The following CCDC9 variants were observed in gnomAD, a reference collection of about 807,000 sequenced individuals.
CCDC9 encodes the protein coiled-coil domain-containing protein 9.
Under a neutral mutation model 65.6 loss-of-function variants are expected in CCDC9, and 52 were observed. That is an observed-to-expected ratio of 0.79 (90% CI 0.63 to 1.00). CCDC9 has a LOEUF of 1.00. CCDC9 is among the 50% of genes least tolerant of loss of function. The pLI is 0.00. For synonymous variants in CCDC9, 332 were observed against 280.3 expected (o/e 1.18, Z -1.84); for missense variants, 834 against 757.2 (o/e 1.10, Z -1.19).
chr19:47,266,534 A>T (rs958643748), intron 7 of CCDC9, 77 bp from the exon 8 acceptor site: 1 of 1,441,830 alleles, frequency 6.9e-7, no homozygotes, highest in Non-Finnish European at 9.1e-7. Context: ...GATCCTGAGC[A>T]AGTGGATGTG....
intron 3 of CCDC9, among the ~76,000 whole-genome samples, 185 bp from the exon 4 acceptor site, chr19:47,260,136 A>C (rs1183366653): frequency 6.6e-6 from 1 of 152,108 alleles, no homozygotes; most frequent in African/African-American, 2.4e-5. Flanking sequence ...TCAGAGGGGC[A>C]CCACAGGAAC....
rs572659319 is a variant in CCDC9 at position 47,266,429 on chromosome 19, G to A, written c.721-182G>A. ...AAATCCAGCAGCTGAGGGGACAGAG[G>A]GATGCTACTTAGGAGATCTGAGAGG... On this transcript the variant is annotated intron_variant, in intron 7 of 11. Transcript: ENST00000221922. 172 of 798,554 alleles carry A rather than the reference G, an allele frequency of 2.2e-4. 1 individual carries two copies. The African/African-American group carries it at 3.0e-3, about 14-fold the overall frequency. 49.5% of individuals were successfully genotyped at this position (798,554 alleles called of 1,614,324 possible). A position where few individuals can be genotyped will look rare whatever the true frequency, so the allele number is the denominator to read the frequency against.
chr19:47,269,501 C>A (rs1600289251), intron 8 of CCDC9, among the ~76,000 whole-genome samples: 1 of 152,106 alleles, frequency 6.6e-6, no homozygotes, highest in South Asian at 2.1e-4. Context: ...CAGGTGCCAG[C>A]CACCAAGCCC....
At chr19:47,270,955 C>T in intron 10 of CCDC9, 127 bp from the exon 11 acceptor site, 2 of 786,690 alleles carry the variant, frequency 2.5e-6, no homozygotes, top group Non-Finnish European at 4.1e-6. Context: ...ACACATCCGC[C>T]ATTCCCTCAG....
At chr19:47,263,571 C>G (rs1399328328) in intron 5 of CCDC9, among the ~76,000 whole-genome samples, 1 of 152,144 alleles carries the variant, frequency 6.6e-6, no homozygotes, top group South Asian at 2.1e-4. Context: ...TTTAAAATTT[C>G]TTTTTGTTTT....
At chr19:47,258,849 T>C (rs1014648169) in intron 3 of CCDC9, among the ~76,000 whole-genome samples, 186 bp downstream of exon 3, 4 of 152,234 alleles carry the variant, frequency 2.6e-5, no homozygotes, top group Admixed American at 1.3e-4. Context: ...TTCACAAATA[T>C]TCCCCAAGAT....
intron 10 of CCDC9, 26 bp downstream of exon 10, chr19:47,270,714 C>A: frequency 1.9e-6 from 3 of 1,599,696 alleles, no homozygotes; most frequent in Non-Finnish European, 8.5e-7. Flanking sequence ...TGCGGGCTTG[C>A]ATACCCCCAG....
intron 7 of CCDC9, among the ~76,000 whole-genome samples, chr19:47,265,956 G>A (rs528957043): frequency 3.7e-5 from 5 of 135,748 alleles, no homozygotes; most frequent in Non-Finnish European, 7.7e-5. Context: ...AAAGTGCTGA[G>A]ATTACAGGCG....
intron 3 of CCDC9, 146 bp downstream of exon 3, chr19:47,258,809 C>T (rs912542583): frequency 3.1e-6 from 2 of 641,394 alleles, no homozygotes; most frequent in Admixed American, 2.8e-5. Context: ...TCCCTTCTTT[C>T]ATTCCATTAT....
Position 47,271,885 on chromosome 19 carries a change from A to C in CCDC9, c.*207A>C. On this transcript the variant is annotated 3_prime_UTR_variant, in exon 12 of 12. Transcript: ENST00000221922. ...TCTGTACTGTCATGCCCGTCTCTGG[A>C]ATGTCCACTCCCAGAGCCTGCCCCA... The C allele has an allele frequency of 7.4e-7, 1 of 1,342,922 alleles. No homozygotes were observed. 83.2% of individuals were successfully genotyped at this position (1,342,922 alleles called of 1,614,324 possible). A position where few individuals can be genotyped will look rare whatever the true frequency, so the allele number is the denominator to read the frequency against.
At chr19:47,258,149 C>T in intron 1 of CCDC9, 181 bp from the exon 2 acceptor site, 1 of 578,280 alleles carries the variant, frequency 1.7e-6, no homozygotes, top group Non-Finnish European at 3.1e-6. Context: ...CATGAAAGGG[C>T]TGAGTCTGAA....
chr19:47,260,014 G>C (rs1035389), intron 3 of CCDC9, among the ~76,000 whole-genome samples: 66,159 of 152,026 alleles, frequency 0.44, 15,008 homozygotes, highest in East Asian at 0.67. Context: ...CTGGTATGTT[G>C]TGGGAATAGC....
At chr19:47,268,563 A>G (rs1254917221) in intron 8 of CCDC9, among the ~76,000 whole-genome samples, 3 of 152,120 alleles carry the variant, frequency 2.0e-5, no homozygotes, top group Non-Finnish European at 2.9e-5. Flanking sequence ...AGCATTCACA[A>G]TGAGAAAGTA....
Position 47,264,936 on chromosome 19 carries a change from A to T in CCDC9, c.710A>T (p.His237Leu). The change falls in exon 7 of 12, where the codon CAC becomes CTC. Residue 237 changes from histidine to leucine, a missense_variant. His to Leu is a moderately conservative substitution (Grantham distance 99, BLOSUM62 -3). Transcript: ENST00000221922. ...GAGCGGGTGCGCTGTGGCCTTGAGC[A>T]CGAGCGGCAGGTGGGTGTTGGCAGT... ...DFERVRCGLE[H>L]ERQGRRAGLG... 6.9e-7 allele frequency: 1 copy of T among 1,449,150 alleles called. No homozygotes were observed. The highest frequency in any genetic ancestry group is 2.5e-5 in the East Asian group (1 of 40,812). 89.8% of individuals were successfully genotyped at this position (1,449,150 alleles called of 1,614,324 possible).
chr19:47,272,133 T>A (rs1600294010), downstream of CCDC9: 1 of 1,236,290 alleles, frequency 8.1e-7, no homozygotes, highest in South Asian at 4.0e-5. Flanking sequence ...CCCAGGAAGC[T>A]GAAGAGGAAG....
chr19:47,270,632 C>T lies in CCDC9; in HGVS notation c.1029C>T (p.Ser343=), dbSNP rs764449548. 10 of 1,612,982 alleles carry T rather than the reference C, an allele frequency of 6.2e-6. No homozygotes were observed. The highest frequency in any genetic ancestry group is 8.5e-6 in the Non-Finnish European group (10 of 1,180,032). Residue 343 remains serine (S), a synonymous_variant, in exon 10 of 12, where the codon AGC becomes AGT. Coordinates refer to ENST00000221922, the MANE Select transcript of CCDC9 (RefSeq NM_015603.3). Reference sequence around the variant, plus strand: ...CCCAGCACAAAGCTGAGGCCAGCAGCCGCAGAAGGAGAAAGAGCAGTCGGC... The same window carrying T: ...CCCAGCACAAAGCTGAGGCCAGCAGTCGCAGAAGGAGAAAGAGCAGTCGGC... ...FLSQHKAEAS[S]RRRRKSSRPQ...
At chr19:47,270,300 G>T in intron 8 of CCDC9, 107 bp from the exon 9 acceptor site, 1 of 1,075,988 alleles carries the variant, frequency 9.3e-7, no homozygotes, top group East Asian at 2.6e-5. Flanking sequence ...CTGTCTGGTT[G>T]ACCGTCTGTC....
intron 8 of CCDC9, among the ~76,000 whole-genome samples, chr19:47,267,611 G>T (rs932571096): frequency 1.3e-5 from 2 of 152,202 alleles, no homozygotes; most frequent in Admixed American, 1.3e-4. Context: ...AGATGCACAA[G>T]CAGGCACACT....
At position 47,260,889 on chromosome 19, in the gene CCDC9, G is replaced by A. The variant is rs545881625; in HGVS notation, c.462+50G>A. Reference sequence around the variant, plus strand: ...CCCTGGCTGAGGTTCTCTGTTGTCTGTTTCTGTTTTTTCCTCCTCTCAGAT... The same window carrying A: ...CCCTGGCTGAGGTTCTCTGTTGTCTATTTCTGTTTTTTCCTCCTCTCAGAT... On this transcript the variant is annotated intron_variant, in intron 5 of 11. Coordinates refer to ENST00000221922, the MANE Select transcript of CCDC9 (RefSeq NM_015603.3). 38 of 1,575,576 alleles carry A rather than the reference G, an allele frequency of 2.4e-5. 1 individual carries two copies. In the South Asian group the frequency reaches 4.2e-4, roughly 17 times the overall value.
Sources: gnomAD v4.1 joint callset for allele counts (sites outside exome capture counted in the v4.1 genomes callset) on GRCh38, gnomAD v4.1.1 for gene constraint, MANE v1.5 for transcripts, NCBI Gene and HGNC (gene_info 2026-07-23, HGNC 2026-07-21) for gene names.